TUSC3: variants seen among roughly 807,000 people sequenced by gnomAD.
The protein encoded by TUSC3 is tumor suppressor candidate 3, also known as dolichyl-diphosphooligosaccharide--protein glycosyltransferase subunit TUSC3.
In TUSC3, 45 loss-of-function variants were observed where a neutral mutation model predicts 44.8. The ratio of observed to expected loss-of-function variants is 1.00; its 90% CI spans 0.79 to 1.29. TUSC3 has a LOEUF of 1.29. Ranked by LOEUF, TUSC3 falls within the 50% of genes most tolerant of loss-of-function variation. The pLI, the probability that TUSC3 is intolerant of heterozygous loss-of-function variation, is 0.00. For synonymous variants in TUSC3, 212 were observed against 152.9 expected, an observed-to-expected ratio of 1.39 and a Z score of -2.85; for missense variants, 519 against 437.9, an observed-to-expected ratio of 1.19 and a Z score of -1.65.
intron 2 of TUSC3, among the ~76,000 whole-genome samples, chr8:15,484,506 A>AT (rs550435550): frequency 8.5e-5 from 13 of 152,256 alleles, no homozygotes; most frequent in Non-Finnish European, 1.5e-4. Context: ...CATAAAAAAT[A>AT]TTTTTGTGAG....
chr8:15,650,943 TTG>T lies in TUSC3; in HGVS notation c.426+132_426+133del, dbSNP rs1322691037. The stretch of plus-strand genomic sequence containing the variant: ...AGGCGGAGGTTGCAGTGAGCCGAGA[TTG>T]TGCCACTGCATTCCAGGTGGAGGAC... On this transcript the variant is annotated intron_variant, in intron 3 of 10. Transcript: ENST00000503731. 1.2e-4 allele frequency: 101 copies of T among 851,288 alleles called. No individual in the cohort carries two copies. In the Admixed American group the frequency reaches 1.3e-3, roughly 11 times the overall value. 52.7% of individuals were successfully genotyped at this position (851,288 alleles called of 1,614,324 possible).
At chr8:15,478,210 C>G (rs1309778593) in intron 1 of TUSC3, among the ~76,000 whole-genome samples, 1 of 152,196 alleles carries the variant, frequency 6.6e-6, no homozygotes, top group Non-Finnish European at 1.5e-5. Context: ...AAGTCATACA[C>G]CTGCCTCAGC....
At chr8:15,747,989 A>G (rs1017443081) in intron 8 of TUSC3, among the ~76,000 whole-genome samples, 1 of 152,128 alleles carries the variant, frequency 6.6e-6, no homozygotes, top group African/African-American at 2.4e-5. Context: ...TAATATAGCC[A>G]ATGCTTCATA....
chr8:15,645,780 T>C (rs1806598320), intron 2 of TUSC3, among the ~76,000 whole-genome samples: 1 of 152,088 alleles, frequency 6.6e-6, no homozygotes, highest in South Asian at 2.1e-4. Flanking sequence ...ATGTTTGTGA[T>C]AGTACACAGA....
chr8:15,498,554 T>A (rs1160025349), intron 2 of TUSC3, among the ~76,000 whole-genome samples: 3 of 152,212 alleles, frequency 2.0e-5, no homozygotes, highest in Admixed American at 6.5e-5. Flanking sequence ...TCGCTCTACA[T>A]GGTTTTGTCT....
chr8:15,725,918 T>G (rs1810478211), intron 6 of TUSC3, among the ~76,000 whole-genome samples: 2 of 150,472 alleles, frequency 1.3e-5, no homozygotes, highest in South Asian at 4.1e-4. Context: ...ACTGATTAAG[T>G]AACAACTACT....
chr8:15,494,188 T>C (rs1270562746), intron 2 of TUSC3, among the ~76,000 whole-genome samples: 1 of 152,202 alleles, frequency 6.6e-6, no homozygotes, highest in African/African-American at 2.4e-5. Flanking sequence ...CGATGAAATA[T>C]GGATCTGAAT....
intron 6 of TUSC3, among the ~76,000 whole-genome samples, chr8:15,683,511 T>C (rs1013464560): frequency 6.6e-6 from 1 of 152,056 alleles, no homozygotes; most frequent in African/African-American, 2.4e-5. Context: ...GTTTCTTTCT[T>C]ACTATATCTT....
the TUSC3 span, among the ~76,000 whole-genome samples, chr8:15,780,601 T>C: frequency 6.6e-6 from 1 of 152,218 alleles, no homozygotes; most frequent in Non-Finnish European, 1.5e-5. Flanking sequence ...CATTAGCTTC[T>C]GACTAGTCTG....
chr8:15,716,659 G>A (rs896019762), intron 6 of TUSC3, among the ~76,000 whole-genome samples: 7 of 151,946 alleles, frequency 4.6e-5, no homozygotes, highest in Non-Finnish European at 1.0e-4. Flanking sequence ...TACTAACTAC[G>A]AAATATCAAT....
the TUSC3 span, among the ~76,000 whole-genome samples, chr8:15,798,256 T>A: frequency 4.6e-5 from 7 of 152,336 alleles, no homozygotes; most frequent in East Asian, 9.7e-4. Flanking sequence ...AACCTTCTTT[T>A]CGCACAGTGA....
chr8:15,459,697 C>T (rs1427050783), intron 1 of TUSC3, among the ~76,000 whole-genome samples: 1 of 152,090 alleles, frequency 6.6e-6, no homozygotes, highest in Non-Finnish European at 1.5e-5. Context: ...TTAGCTTTCA[C>T]ATATCAGTGA....
intron 1 of TUSC3, among the ~76,000 whole-genome samples, chr8:15,429,570 AT>A (rs149193242): frequency 0.38 from 57,625 of 150,082 alleles, 14,082 homozygotes; most frequent in African/African-American, 0.68. Context: ...CAGTATGGCC[AT>A]TTTTTTTTCA....
At chr8:15,650,674 C>CTA (rs762147339) in intron 2 of TUSC3, 23 bp from the exon 3 acceptor site, 14 of 1,602,674 alleles carry the variant, frequency 8.7e-6, no homozygotes, top group Non-Finnish European at 1.1e-5. Flanking sequence ...TGTGTTTCTA[C>CTA]TATGGCCCAT....
intron 1 of TUSC3, among the ~76,000 whole-genome samples, chr8:15,469,148 G>C (rs1800452329): frequency 6.6e-6 from 1 of 152,134 alleles, no homozygotes; most frequent in South Asian, 2.1e-4. Flanking sequence ...ATTTATGAAA[G>C]AAATCATTGA....
intron 2 of TUSC3, among the ~76,000 whole-genome samples, chr8:15,489,376 A>C (rs1448750000): frequency 6.6e-6 from 1 of 152,110 alleles, no homozygotes; most frequent in Non-Finnish European, 1.5e-5. Context: ...TATGCAGATG[A>C]AGTCTCACAG....
At position 15,468,328 on chromosome 8, in the gene TUSC3, A is replaced by G. The variant is rs540736030; in HGVS notation, n.92-15058A>G. Among the ~76,000 whole-genome samples the G allele has an allele frequency of 1.4e-4, 22 of 152,278 alleles. 1 individual carries two copies. Among genetic ancestry groups the G allele is most frequent in the African/African-American group, 5.1e-4 (21 of 41,574 alleles). On this transcript the variant is annotated intron_variant and non_coding_transcript_variant, in intron 1 of 5. Transcript: ENST00000503191. ...ACTGGGTGTTGAACGGCTAGTCAAGAGTGTTCATTTCACTACTCCAGTCCT... is the reference window on the plus strand; with the variant it reads ...ACTGGGTGTTGAACGGCTAGTCAAGGGTGTTCATTTCACTACTCCAGTCCT...
chr8:15,767,771 G>A (rs141699535), downstream of TUSC3, among the ~76,000 whole-genome samples: 429 of 152,258 alleles, frequency 2.8e-3, 1 homozygote, highest in Non-Finnish European at 4.2e-3. Context: ...AAGTAGCTGT[G>A]CTGAGAATGG....
the TUSC3 span, among the ~76,000 whole-genome samples, chr8:15,824,429 G>C: frequency 6.7e-4 from 102 of 151,982 alleles, no homozygotes; most frequent in African/African-American, 2.3e-3. Flanking sequence ...CTATAAAGAT[G>C]GTTTCCAGCT....
Sources: allele counts gnomAD v4.1 joint callset (sites outside exome capture counted in the v4.1 genomes callset), GRCh38; gene constraint gnomAD v4.1.1; transcripts MANE v1.5; gene names NCBI Gene and HGNC (gene_info 2026-07-23, HGNC 2026-07-21).